GMDS: variants seen among roughly 807,000 people sequenced by gnomAD.
GMDS encodes GDP-mannose 4,6 dehydratase.
In GMDS, 20 loss-of-function variants were observed where a neutral mutation model predicts 49.9. That is an observed-to-expected ratio of 0.40 (90% CI 0.28 to 0.58). The LOEUF is 0.58. GMDS is among the 20% of genes least tolerant of loss of function. The pLI is 0.42. For synonymous variants in GMDS, 177 were observed against 178.6 expected, an observed-to-expected ratio of 0.99 and a Z score of 0.07; for missense variants, 362 against 481.4, an observed-to-expected ratio of 0.75 and a Z score of 2.32.
intron 9 of GMDS, among the ~76,000 whole-genome samples, chr6:1,673,211 A>G (rs1764482699): frequency 6.6e-6 from 1 of 152,100 alleles, no homozygotes; most frequent in Non-Finnish European, 1.5e-5. Flanking sequence ...CAGCTGACCG[A>G]TGCCTGCACA....
chr6:1,799,090 T>C (rs1466341509), intron 7 of GMDS, among the ~76,000 whole-genome samples: 1 of 151,968 alleles, frequency 6.6e-6, no homozygotes, highest in Non-Finnish European at 1.5e-5. Flanking sequence ...TAGGATATCG[T>C]GTAGGTCAAA....
At chr6:1,915,067 G>A (rs1334282643) in intron 7 of GMDS, among the ~76,000 whole-genome samples, 5 of 152,188 alleles carry the variant, frequency 3.3e-5, no homozygotes, top group Non-Finnish European at 7.3e-5. Context: ...CGGAGGCCTC[G>A]CATGCCCTTA....
intron 9 of GMDS, chr6:1,679,809 G>A (rs370499182): frequency 1.3e-5 from 2 of 152,172 alleles, no homozygotes; most frequent in African/African-American, 4.8e-5. Context: ...AACTGGAACC[G>A]TCATTACAAA....
At chr6:1,995,138 G>T (rs991173585) in intron 4 of GMDS, among the ~76,000 whole-genome samples, 1 of 152,146 alleles carries the variant, frequency 6.6e-6, no homozygotes, top group East Asian at 1.9e-4. Context: ...GGAGAAATGG[G>T]GCAGCAGAAA....
At chr6:2,078,088 T>C (rs1772453609) in intron 4 of GMDS, among the ~76,000 whole-genome samples, 1 of 152,142 alleles carries the variant, frequency 6.6e-6, no homozygotes. Context: ...CATGATAGTC[T>C]CTGATGAACC....
At chr6:2,100,093 C>T (rs1001644052) in intron 4 of GMDS, among the ~76,000 whole-genome samples, 1 of 152,004 alleles carries the variant, frequency 6.6e-6, no homozygotes, top group African/African-American at 2.4e-5. Flanking sequence ...GTCTTCCTCA[C>T]AGGTTTGTTT....
At chr6:1,784,452 GA>G (rs1769243103) in intron 7 of GMDS, among the ~76,000 whole-genome samples, 1 of 150,916 alleles carries the variant, frequency 6.6e-6, no homozygotes, top group East Asian at 1.9e-4. Flanking sequence ...TCCCCTGCCT[GA>G]GGATGTTCGG....
At chr6:2,048,732 C>T (rs1026932627) in intron 4 of GMDS, among the ~76,000 whole-genome samples, 1 of 152,112 alleles carries the variant, frequency 6.6e-6, no homozygotes, top group Non-Finnish European at 1.5e-5. Flanking sequence ...TGTGATCTTG[C>T]ATATTTTTTA....
Position 2,212,093 on chromosome 6 carries a change from G to A in GMDS, c.102+33228C>T, listed in dbSNP as rs1780087739. Reference sequence around the variant, plus strand: ...TATTTGTTTTTAATTTAGAACCTGTGTTACATTTCTCTGTAATTCAATTGA... The same window carrying A: ...TATTTGTTTTTAATTTAGAACCTGTATTACATTTCTCTGTAATTCAATTGA... On this transcript the variant is annotated intron_variant, in intron 1 of 10. Transcript: ENST00000380815. 2.0e-5 allele frequency among the ~76,000 whole-genome samples: 3 copies of A among 152,152 alleles called. No individual in the cohort carries two copies. In the South Asian group the frequency reaches 6.2e-4, roughly 31 times the overall value.
chr6:2,204,466 G>A (rs531303770), intron 1 of GMDS, among the ~76,000 whole-genome samples: 1 of 152,178 alleles, frequency 6.6e-6, no homozygotes, highest in Non-Finnish European at 1.5e-5. Context: ...TAGGCATGTA[G>A]GGACAGTGTT....
intron 9 of GMDS, among the ~76,000 whole-genome samples, chr6:1,642,462 C>T (rs1763360068): frequency 6.6e-6 from 1 of 152,204 alleles, no homozygotes; most frequent in Non-Finnish European, 1.5e-5. Context: ...AGCCACCACA[C>T]CCGGCCAGTT....
intron 1 of GMDS, among the ~76,000 whole-genome samples, chr6:2,219,867 C>T (rs907489427): frequency 6.6e-6 from 1 of 152,186 alleles, no homozygotes; most frequent in African/African-American, 2.4e-5. Context: ...TCCAAAATGT[C>T]CCCAAATCCA....
chr6:1,664,982 G>A (rs1201203277), intron 9 of GMDS, among the ~76,000 whole-genome samples: 1 of 152,204 alleles, frequency 6.6e-6, no homozygotes, highest in Non-Finnish European at 1.5e-5. Flanking sequence ...TACTCAGCTG[G>A]CTTTGCACAT....
At chr6:2,241,592 G>A (rs1781616121) in intron 1 of GMDS, among the ~76,000 whole-genome samples, 1 of 152,056 alleles carries the variant, frequency 6.6e-6, no homozygotes, top group East Asian at 1.9e-4. Context: ...TCACAGTAAT[G>A]AGTGACTCCT....
At chr6:2,166,145 G>A (rs758021058) in intron 1 of GMDS, among the ~76,000 whole-genome samples, 11 of 152,152 alleles carry the variant, frequency 7.2e-5, no homozygotes, top group Non-Finnish European at 1.3e-4. Flanking sequence ...GTTAACACTC[G>A]CAGAACACTA....
At chr6:2,104,255 T>G (rs1377144941) in intron 4 of GMDS, among the ~76,000 whole-genome samples, 1 of 152,246 alleles carries the variant, frequency 6.6e-6, no homozygotes, top group Non-Finnish European at 1.5e-5. Context: ...CCTTAAAAGA[T>G]TAAGCTTCCC....
rs1763844825 is a variant in GMDS at position 1,959,900 on chromosome 6, C to T, written c.610G>A (p.Gly204Ser). Residue 204 changes from glycine to serine, a missense_variant, in exon 6 of 11, where the codon GGC becomes AGC. By Grantham distance (56) the Gly-to-Ser change is moderately conservative. Coordinates refer to ENST00000380815, the MANE Select transcript of GMDS (RefSeq NM_001500.4). ...REAYNLFAVN[G>S]ILFNHESPRR... ...GGACTCTCATGATTGAAGAGAATGC[C>T]GTTCACTGCAAAGAGATTATACGCC... 1 of 1,608,340 alleles carries T rather than the reference C, an allele frequency of 6.2e-7. No individual in the cohort carries two copies.
At chr6:2,064,991 C>T (rs527879479) in intron 4 of GMDS, among the ~76,000 whole-genome samples, 2 of 152,282 alleles carry the variant, frequency 1.3e-5, no homozygotes, top group East Asian at 3.9e-4. Context: ...CTCAAAAAGA[C>T]AGCAGTAACC....
At chr6:1,899,290 TTG>T (rs1399375285) in intron 7 of GMDS, among the ~76,000 whole-genome samples, 1 of 151,104 alleles carries the variant, frequency 6.6e-6, no homozygotes, top group Non-Finnish European at 1.5e-5. Flanking sequence ...TTGTTTTGAT[TTG>T]TGTTTTTTTT....
Sources: allele counts gnomAD v4.1 joint callset (sites outside exome capture counted in the v4.1 genomes callset), GRCh38; gene constraint gnomAD v4.1.1; transcripts MANE v1.5; gene names NCBI Gene and HGNC (gene_info 2026-07-23, HGNC 2026-07-21).